The following RAF1 variants were observed in gnomAD, a reference collection of about 807,000 sequenced individuals.
RAF1 encodes Raf-1 proto-oncogene, serine/threonine kinase, also known as RAF proto-oncogene serine/threonine-protein kinase.
RAF1 carries 27 observed loss-of-function variants against 81.1 expected under a neutral mutation model. The observed-to-expected ratio is 0.33, with a 90% confidence interval of 0.25 to 0.46. RAF1 has a LOEUF of 0.46. Ranked by LOEUF, RAF1 falls within the 20% of genes least tolerant of loss-of-function variation. The probability of loss-of-function intolerance (pLI) is 1.00; values close to 1 mark genes in which losing one functional copy is unlikely to be tolerated. For missense variants in RAF1, 598 were observed against 826.0 expected, an observed-to-expected ratio of 0.72 and a Z score of 3.38; for synonymous variants, 298 against 294.0, an observed-to-expected ratio of 1.01 and a Z score of -0.14.
intron 1 of RAF1, among the ~76,000 whole-genome samples, chr3:12,647,894 G>T (rs535922426): frequency 6.6e-6 from 1 of 152,012 alleles, no homozygotes. Context: ...AAGTTAGCAG[G>T]GGCTGTACAA....
At chr3:12,613,483 C>A (rs2059282244) in intron 2 of RAF1, among the ~76,000 whole-genome samples, 1 of 145,070 alleles carries the variant, frequency 6.9e-6, no homozygotes, top group Non-Finnish European at 1.5e-5. Context: ...TATGTGGGTA[C>A]ACGGGGAGGG....
At chr3:12,639,193 A>C (rs1221995402) in intron 1 of RAF1, among the ~76,000 whole-genome samples, 2 of 152,198 alleles carry the variant, frequency 1.3e-5, no homozygotes, top group Non-Finnish European at 2.9e-5. Flanking sequence ...AAAAACTCTC[A>C]ATAAACCAGG....
chr3:12,626,171 G>C (rs1168710433), intron 1 of RAF1, among the ~76,000 whole-genome samples: 1 of 148,840 alleles, frequency 6.7e-6, no homozygotes, highest in Admixed American at 6.8e-5. Context: ...AGCTACTCAA[G>C]AGGTGGAGGT....
chr3:12,590,513 CAG>C, intron 13 of RAF1: 1 of 423,890 alleles, frequency 2.4e-6, no homozygotes, highest in South Asian at 2.2e-5. Context: ...TCAGTAGAAA[CAG>C]GGTTTTGCCA....
At chr3:12,606,708 T>A (rs1199693903) in intron 5 of RAF1, among the ~76,000 whole-genome samples, 1 of 150,614 alleles carries the variant, frequency 6.6e-6, no homozygotes, top group African/African-American at 2.4e-5. Context: ...ATTTTCGTAT[T>A]TTTTTTTTAA....
At chr3:12,662,810 C>T (rs564453467) in intron 1 of RAF1, among the ~76,000 whole-genome samples, 1 of 152,042 alleles carries the variant, frequency 6.6e-6, no homozygotes, top group Admixed American at 6.6e-5. Context: ...TGTTCTAAAT[C>T]CCCATAACAC....
chr3:12,590,758 G>A, intron 13 of RAF1, 40 bp downstream of exon 12: 1 of 1,578,028 alleles, frequency 6.3e-7, no homozygotes, highest in South Asian at 1.1e-5. Context: ...GGACAAATTT[G>A]ATGCCTGGGT....
intron 2 of RAF1, 138 bp downstream of exon 2, chr3:12,618,377 A>T (rs2059442197): frequency 1.1e-6 from 1 of 871,686 alleles, no homozygotes; most frequent in Admixed American, 2.4e-5. Flanking sequence ...ATAAAAAAAT[A>T]AATCTGCAGT....
chr3:12,588,468 G>C (rs1270105520), intron 13 of RAF1: 2 of 152,016 alleles, frequency 1.3e-5, no homozygotes, highest in African/African-American at 4.8e-5. Flanking sequence ...GGTATAACGT[G>C]TTGCACTTAG....
chr3:12,639,220 C>T (rs1341279826), intron 1 of RAF1, among the ~76,000 whole-genome samples: 1 of 152,118 alleles, frequency 6.6e-6, no homozygotes, highest in Non-Finnish European at 1.5e-5. Flanking sequence ...TGGGACGTAT[C>T]TCAAAATAAT....
At position 12,626,524 on chromosome 3, in the gene RAF1, G is replaced by A. The variant is rs937439920; in HGVS notation, c.-26-7777C>T. On this transcript the variant is annotated intron_variant, in intron 1 of 17. Transcript: ENST00000442415. ...GAGGATCACTTGAGCAAAGGAGGTC[G>A]AAGCTGCAGTGTGCCACGATCACAC... 2.0e-5 allele frequency among the ~76,000 whole-genome samples: 3 copies of A among 151,118 alleles called. No individual in the cohort carries two copies. The East Asian group carries it at 5.8e-4, about 29-fold the overall frequency.
rs2125319252 is a variant in RAF1 at position 12,584,857 on chromosome 3, A to G, written c.1853T>C (p.Leu618Pro). The change falls in exon 17 of 18, where the codon CTT (leucine) becomes CCT (proline). Residue 618 changes from leucine to proline, a missense_variant. Physicochemically the swap from Leu to Pro is moderately conservative, Grantham distance 98 (BLOSUM62 -3). Around this residue, in one of 5 missense-constraint regions of RAF1, gnomAD observed 147 missense variants for 196.1 expected, o/e 0.75. Coordinates refer to ENST00000442415, the MANE Select transcript of RAF1 (RefSeq NM_001354689.3). ...AGCCCTGAGCCTTACCTGGGGAAAA[A>G]GAGGCCTCTCTTCCTTTACTTTCTT... 6.2e-7 allele frequency: 1 copy of G among 1,614,114 alleles called. No homozygotes were observed. Among genetic ancestry groups the G allele is most frequent in the Non-Finnish European group, 8.5e-7 (1 of 1,179,972 alleles).
intron 4 of RAF1, 112 bp downstream of exon 4, chr3:12,609,121 C>T: frequency 9.3e-7 from 1 of 1,071,090 alleles, no homozygotes; most frequent in South Asian, 1.3e-5. Flanking sequence ...GCATAAAGAA[C>T]TTTAAACAAT....
In RAF1 at chr3:12,648,893, T is replaced by A. The variant is rs151154769; in HGVS notation, c.-27+14920A>T. On this transcript the variant is annotated intron_variant, in intron 1 of 17. Coordinates refer to ENST00000442415, the MANE Select transcript of RAF1 (RefSeq NM_001354689.3). ...ACTTTAGGAGGCCGACGTGGGCGGA[T>A]CACCTGAGGTCGGGAGTTCAAGACC... is the stretch of plus-strand genomic sequence containing the variant. Among the ~76,000 whole-genome samples the A allele has an allele frequency of 1.7e-3, 266 of 152,320 alleles. 7 individuals carry two copies. The East Asian group carries it at 0.048, about 28-fold the overall frequency.
chr3:12,659,209 C>A lies in RAF1; in HGVS notation c.-27+4604G>T, dbSNP rs148428137. ...TTGGGAAGCCGAGGCAGGTGGATCA[C>A]TTGAGGTCAGGAGTTCAAGACCAGC... On this transcript the variant is annotated intron_variant, in intron 1 of 17. Transcript: ENST00000442415. Among the ~76,000 whole-genome samples the A allele has an allele frequency of 7.5e-3, 1,145 of 151,886 alleles. 15 individuals carry two copies. The highest frequency in any genetic ancestry group is 0.026 in the African/African-American group (1,083 of 41,362).
In RAF1 at chr3:12,591,631, C is replaced by T. The variant is rs970703539; in HGVS notation, c.1253+77G>A. On this transcript the variant is annotated intron_variant, in intron 12 of 17. Coordinates refer to ENST00000442415, the MANE Select transcript of RAF1 (RefSeq NM_001354689.3). ...TGCCTGCCCGTCCCAACCTGCGGCA[C>T]AGTCCACTAACTCTACAGTCCTTGT... is the stretch of plus-strand genomic sequence containing the variant. The T allele has an allele frequency of 7.5e-6, 10 of 1,325,592 alleles. No homozygotes were observed. In the African/African-American group the frequency reaches 1.0e-4, roughly 13 times the overall value. 82.1% of individuals were successfully genotyped at this position (1,325,592 alleles called of 1,614,324 possible). A position where few individuals can be genotyped will look rare whatever the true frequency, so the allele number is the denominator to read the frequency against.
chr3:12,631,273 G>A (rs1575623799), intron 1 of RAF1, among the ~76,000 whole-genome samples: 1 of 152,084 alleles, frequency 6.6e-6, no homozygotes, highest in Admixed American at 6.6e-5. Flanking sequence ...GTAAAATAAA[G>A]ATATTATTTA....
At chr3:12,661,320 A>T (rs1334114375) in intron 1 of RAF1, among the ~76,000 whole-genome samples, 1 of 152,254 alleles carries the variant, frequency 6.6e-6, no homozygotes, top group East Asian at 1.9e-4. Flanking sequence ...TACACTTATT[A>T]AACTAAAAAT....
intron 1 of RAF1, among the ~76,000 whole-genome samples, chr3:12,634,713 G>C (rs1458876227): frequency 6.6e-6 from 1 of 152,100 alleles, no homozygotes; most frequent in Admixed American, 6.6e-5. Context: ...AAAGTGGTTG[G>C]AGGAAGAGCA....
Sources: gnomAD v4.1 joint callset for allele counts (sites outside exome capture counted in the v4.1 genomes callset) on GRCh38, gnomAD v4.1.1 for gene constraint, gnomAD v4.1.1 regional missense constraint, MANE v1.5 for transcripts, NCBI Gene and HGNC (gene_info 2026-07-23, HGNC 2026-07-21) for gene names.